The following SPATA6 variants were observed in gnomAD, a reference collection of about 807,000 sequenced individuals.
The protein encoded by SPATA6 is spermatogenesis-associated protein 6.
Under a neutral mutation model 65.3 loss-of-function variants are expected in SPATA6, and 56 were observed. The ratio of observed to expected loss-of-function variants is 0.86; its 90% CI spans 0.69 to 1.07. SPATA6 has a LOEUF of 1.07. SPATA6 is among the 50% of genes least tolerant of loss of function. The pLI is 0.00. For synonymous variants in SPATA6, 199 were observed against 213.2 expected (o/e 0.93, Z 0.58); for missense variants, 590 against 594.8 (o/e 0.99, Z 0.08).
intron 3 of SPATA6, among the ~76,000 whole-genome samples, chr1:48,413,780 AG>A (rs989951391): frequency 2.4e-4 from 37 of 152,268 alleles, no homozygotes; most frequent in African/African-American, 8.7e-4. Context: ...ATTGTTGACC[AG>A]AAGCATTACT....
At chr1:48,266,356 G>A in the SPATA6 span, among the ~76,000 whole-genome samples, 7 of 152,214 alleles carry the variant, frequency 4.6e-5, no homozygotes, top group Admixed American at 3.9e-4. Flanking sequence ...TTGAATGTAA[G>A]TCCTAGTTCA....
At chr1:48,412,061 C>T (rs932982858) in intron 4 of SPATA6, among the ~76,000 whole-genome samples, 5 of 152,076 alleles carry the variant, frequency 3.3e-5, no homozygotes, top group African/African-American at 7.2e-5. Context: ...GGGGTTTCAA[C>T]ATGGTGGCCA....
At chr1:48,464,532 T>C (rs1339417009) in intron 1 of SPATA6, among the ~76,000 whole-genome samples, 1 of 152,074 alleles carries the variant, frequency 6.6e-6, no homozygotes, top group Admixed American at 6.6e-5. Flanking sequence ...CTAGAAACAA[T>C]GAGAATGTCC....
chr1:48,455,214 C>CTTAA (rs1656905954), intron 1 of SPATA6, among the ~76,000 whole-genome samples: 1 of 152,046 alleles, frequency 6.6e-6, no homozygotes, highest in African/African-American at 2.4e-5. Flanking sequence ...ACTAGTCTAA[C>CTTAA]TTAAGAAGGG....
At chr1:48,436,570 G>C in intron 3 of SPATA6, 1 of 1,612,724 alleles carries the variant, frequency 6.2e-7, no homozygotes. Flanking sequence ...GACCCTCTCT[G>C]GCCTGTCCCA....
intron 11 of SPATA6, among the ~76,000 whole-genome samples, chr1:48,321,892 A>T (rs891858361): frequency 2.0e-5 from 3 of 152,220 alleles, no homozygotes; most frequent in Non-Finnish European, 4.4e-5. Flanking sequence ...GAAATTAAAC[A>T]ACATGCTCCT....
At chr1:48,285,483 A>G in the SPATA6 span, among the ~76,000 whole-genome samples, 1 of 151,652 alleles carries the variant, frequency 6.6e-6, no homozygotes, top group Admixed American at 6.6e-5. Flanking sequence ...GTATGAAAAA[A>G]AAAAAAAAAA....
intron 12 of SPATA6, among the ~76,000 whole-genome samples, chr1:48,299,892 T>C (rs76003615): frequency 0.012 from 1,866 of 152,268 alleles, 46 homozygotes; most frequent in African/African-American, 0.043. Context: ...CATGCTGCTA[T>C]TGCCCTCAAG....
chr1:48,359,859 T>C (rs1363444147), intron 9 of SPATA6, 89 bp from the exon 10 acceptor site: 1 of 1,011,470 alleles, frequency 9.9e-7, no homozygotes, highest in Non-Finnish European at 1.4e-6. Context: ...TGCATAGTAG[T>C]CATATGCATG....
chr1:48,308,951 T>C (rs1645130669), intron 11 of SPATA6, among the ~76,000 whole-genome samples: 1 of 152,098 alleles, frequency 6.6e-6, no homozygotes, highest in Non-Finnish European at 1.5e-5. Flanking sequence ...AGTGGCGAAA[T>C]CATAGCTCAC....
At chr1:48,267,765 T>TTTTG in the SPATA6 span, among the ~76,000 whole-genome samples, 1 of 135,532 alleles carries the variant, frequency 7.4e-6, no homozygotes, top group Non-Finnish European at 1.6e-5. Context: ...TTTTTTTTTT[T>TTTTG]TTTTTTTTTT....
chr1:48,456,191 G>A (rs1656985785), intron 1 of SPATA6, among the ~76,000 whole-genome samples: 1 of 152,178 alleles, frequency 6.6e-6, no homozygotes, highest in African/African-American at 2.4e-5. Flanking sequence ...CATATACACA[G>A]AGAACCCTGA....
the SPATA6 span, among the ~76,000 whole-genome samples, chr1:48,267,159 TG>T: frequency 6.6e-6 from 1 of 152,136 alleles, no homozygotes; most frequent in Admixed American, 6.5e-5. Flanking sequence ...GATGGGAGTG[TG>T]GCTCACTTCT....
At chr1:48,300,359 C>G (rs377242831) in intron 12 of SPATA6, among the ~76,000 whole-genome samples, 2 of 151,854 alleles carry the variant, frequency 1.3e-5, no homozygotes, top group African/African-American at 4.8e-5. Flanking sequence ...ACCTACAAAC[C>G]AAGATTATAC....
rs772965496 is a variant in SPATA6, at chr1:48,411,393, C to T, written c.405+71G>A. ...AATTTGTTCTTCACATTTAAGATGG[C>T]GAGCACTATGCGGTGGTTTCTGACA... is the stretch of plus-strand genomic sequence containing the variant. On this transcript the variant is annotated intron_variant, in intron 5 of 12. Transcript: ENST00000371847. 2.1e-5 allele frequency: 31 copies of T among 1,468,666 alleles called. No homozygotes were observed. In the South Asian group the frequency reaches 3.3e-4, roughly 16 times the overall value. 91.0% of individuals were successfully genotyped at this position (1,468,666 alleles called of 1,614,324 possible).
At chr1:48,349,124 G>A (rs1040994594) in intron 11 of SPATA6, among the ~76,000 whole-genome samples, 2 of 151,910 alleles carry the variant, frequency 1.3e-5, no homozygotes, top group Admixed American at 1.3e-4. Flanking sequence ...GAAAATTCAT[G>A]TGAAAATTAC....
chr1:48,367,825 T>C (rs1647077761), intron 9 of SPATA6, among the ~76,000 whole-genome samples: 1 of 152,198 alleles, frequency 6.6e-6, no homozygotes, highest in African/African-American at 2.4e-5. Context: ...ATGTGTGAAT[T>C]TGATCCTGTC....
At chr1:48,434,095 G>GT (rs1211369793) in intron 3 of SPATA6, among the ~76,000 whole-genome samples, 1 of 151,982 alleles carries the variant, frequency 6.6e-6, no homozygotes, top group East Asian at 1.9e-4. Context: ...TCACAAGATT[G>GT]TAACACTACA....
intron 11 of SPATA6, among the ~76,000 whole-genome samples, chr1:48,347,419 C>T (rs1343302322): frequency 6.8e-6 from 1 of 146,698 alleles, no homozygotes; most frequent in Non-Finnish European, 1.5e-5. Context: ...ATATATAATG[C>T]ATTATATATA....
Sources: allele counts gnomAD v4.1 joint callset (sites outside exome capture counted in the v4.1 genomes callset), GRCh38; gene constraint gnomAD v4.1.1; transcripts MANE v1.5; gene names NCBI Gene and HGNC (gene_info 2026-07-23, HGNC 2026-07-21).